FYB1: variants seen among roughly 807,000 people sequenced by gnomAD.
FYB1 encodes FYN binding protein 1, also known as FYN-binding protein 1.
In FYB1, 41 loss-of-function variants were observed where a neutral mutation model predicts 94.1. That is an observed-to-expected ratio of 0.44 (90% CI 0.34 to 0.57). The LOEUF (loss-of-function observed/expected upper bound fraction) is 0.57. FYB1 is among the 20% of genes least tolerant of loss of function. The pLI is 0.02. For missense variants in FYB1, 1,050 were observed against 976.8 expected, an observed-to-expected ratio of 1.07 and a Z score of -1.00; for synonymous variants, 367 against 353.2, an observed-to-expected ratio of 1.04 and a Z score of -0.44.
At chr5:39,136,994 T>C (rs1343130842) in intron 7 of FYB1, among the ~76,000 whole-genome samples, 1 of 152,122 alleles carries the variant, frequency 6.6e-6, no homozygotes, top group Admixed American at 6.5e-5. Flanking sequence ...GTGTAGCGTT[T>C]ACTGGTGGTA....
chr5:39,210,202 C>T (rs776437106), intron 1 of FYB1, among the ~76,000 whole-genome samples: 1 of 152,118 alleles, frequency 6.6e-6, no homozygotes, highest in African/African-American at 2.4e-5. Flanking sequence ...ACAACCCCAG[C>T]GATGCCCTGT....
intron 2 of FYB1, among the ~76,000 whole-genome samples, chr5:39,155,218 C>A (rs138716368): frequency 6.6e-6 from 1 of 152,288 alleles, no homozygotes; most frequent in East Asian, 1.9e-4. Context: ...CTCCCTCTTG[C>A]CAAAGCTCTT....
chr5:39,234,600 T>C (rs916647213), intron 1 of FYB1, among the ~76,000 whole-genome samples: 4 of 152,186 alleles, frequency 2.6e-5, no homozygotes, highest in South Asian at 2.1e-4. Flanking sequence ...CACATATGTT[T>C]ATTGCAGCAC....
At chr5:39,158,133 T>C (rs1743920694) in intron 2 of FYB1, among the ~76,000 whole-genome samples, 1 of 152,184 alleles carries the variant, frequency 6.6e-6, no homozygotes, top group South Asian at 2.1e-4. Context: ...GGGAGTGAAA[T>C]TGCAATATCT....
rs1013103065 is a variant in FYB1, at chr5:39,194,992, C to T, written c.1135+6834G>A. ...GTGCACCAGGTCCTGGGAGAACGAG[C>T]GTGCAGGGTGTGCTGAGGGCCTGGC... On this transcript the variant is annotated intron_variant, in intron 2 of 18. Transcript: ENST00000512982. Among the ~76,000 whole-genome samples the T allele has an allele frequency of 1.8e-4, 27 of 152,238 alleles. 1 individual carries two copies. The Middle Eastern group carries it at 0.014, about 77-fold the overall frequency.
At chr5:39,170,782 G>A (rs1745187399) in intron 2 of FYB1, among the ~76,000 whole-genome samples, 1 of 152,058 alleles carries the variant, frequency 6.6e-6, no homozygotes. Flanking sequence ...TGGATCTATG[G>A]AATTTGGTCA....
In FYB1 at chr5:39,155,203, T is replaced by A. The variant is rs539243146; in HGVS notation, c.1136-1599A>T. ...AAACACATTCCTAATTTCTTCTAGA[T>A]ATTTCTCCCTCTTGCCAAAGCTCTT... On this transcript the variant is annotated intron_variant, in intron 2 of 18. Coordinates refer to ENST00000512982, the MANE Select transcript of FYB1 (RefSeq NM_001465.6). 2.0e-5 allele frequency among the ~76,000 whole-genome samples: 3 copies of A among 152,368 alleles called. No homozygotes were observed. The East Asian group carries it at 5.8e-4, about 29-fold the overall frequency.
At chr5:39,217,659 G>A (rs1478098973) in intron 1 of FYB1, among the ~76,000 whole-genome samples, 1 of 152,140 alleles carries the variant, frequency 6.6e-6, no homozygotes, top group African/African-American at 2.4e-5. Flanking sequence ...GCTGGTGCGT[G>A]GCAGAGACCA....
chr5:39,215,690 C>T (rs527735791), intron 1 of FYB1, among the ~76,000 whole-genome samples: 9 of 152,338 alleles, frequency 5.9e-5, no homozygotes, highest in African/African-American at 1.4e-4. Context: ...GGCAGAAATT[C>T]AGTGGCAAGG....
At chr5:39,186,491 T>G (rs1746814838) in intron 2 of FYB1, among the ~76,000 whole-genome samples, 1 of 152,016 alleles carries the variant, frequency 6.6e-6, no homozygotes, top group Admixed American at 6.6e-5. Context: ...AGAGTAGAAC[T>G]TATACCTAAG....
chr5:39,254,906 C>T (rs897787443), intron 1 of FYB1, among the ~76,000 whole-genome samples: 5 of 152,178 alleles, frequency 3.3e-5, no homozygotes, highest in African/African-American at 9.6e-5. Context: ...CAGACCTGAT[C>T]TGGCAGAGGG....
chr5:39,233,152 C>A (rs1750821910), intron 1 of FYB1, among the ~76,000 whole-genome samples: 1 of 152,192 alleles, frequency 6.6e-6, no homozygotes. Context: ...CACTGACTTC[C>A]ATAAACATTT....
intron 2 of FYB1, among the ~76,000 whole-genome samples, chr5:39,172,794 G>A (rs1745372102): frequency 6.6e-6 from 1 of 152,070 alleles, no homozygotes. Context: ...CTTTTTTGTT[G>A]CTGCATAGTA....
intron 1 of FYB1, among the ~76,000 whole-genome samples, chr5:39,225,820 T>G (rs1167429841): frequency 6.6e-6 from 1 of 152,186 alleles, no homozygotes; most frequent in Admixed American, 6.5e-5. Context: ...AGAAAATCAT[T>G]GCACTAGAAG....
intron 3 of FYB1, among the ~76,000 whole-genome samples, chr5:39,147,314 G>C (rs1742746816): frequency 6.6e-6 from 1 of 151,638 alleles, no homozygotes; most frequent in African/African-American, 2.4e-5. Context: ...CTGTCCCCCA[G>C]GCTGGAGTGT....
At chr5:39,253,581 G>GAACA (rs1751817993) in intron 1 of FYB1, among the ~76,000 whole-genome samples, 1 of 152,184 alleles carries the variant, frequency 6.6e-6, no homozygotes, top group African/African-American at 2.4e-5. Flanking sequence ...GTAAGGTATA[G>GAACA]GATTGTTACA....
intron 2 of FYB1, among the ~76,000 whole-genome samples, chr5:39,182,859 A>T (rs1746385439): frequency 6.6e-6 from 1 of 152,110 alleles, no homozygotes; most frequent in Non-Finnish European, 1.5e-5. Flanking sequence ...TAATTTTTTC[A>T]GGTGTTTCAG....
At chr5:39,146,829 G>A (rs1205911243) in intron 3 of FYB1, among the ~76,000 whole-genome samples, 1 of 152,002 alleles carries the variant, frequency 6.6e-6, no homozygotes, top group Non-Finnish European at 1.5e-5. Flanking sequence ...TTTATAATAT[G>A]TATATTATTA....
intron 1 of FYB1, among the ~76,000 whole-genome samples, chr5:39,241,094 A>G (rs1223100885): frequency 2.6e-5 from 4 of 152,202 alleles, no homozygotes; most frequent in African/African-American, 9.7e-5. Context: ...GCATGTTTAC[A>G]CTTCTATGTG....
Sources: gnomAD v4.1 joint callset for allele counts (sites outside exome capture counted in the v4.1 genomes callset) on GRCh38, gnomAD v4.1.1 for gene constraint, MANE v1.5 for transcripts, NCBI Gene and HGNC (gene_info 2026-07-23, HGNC 2026-07-21) for gene names.